Variants in TBCK observed in about 807,000 individuals in gnomAD.
The protein encoded by TBCK is TBC domain-containing protein kinase-like protein.
Under a neutral mutation model 113.4 loss-of-function variants are expected in TBCK, and 99 were observed. The observed-to-expected ratio is 0.87, with a 90% CI of 0.74 to 1.03. TBCK has a LOEUF of 1.03. Ranked by LOEUF, TBCK falls within the 50% of genes least tolerant of loss-of-function variation. The probability of loss-of-function intolerance (pLI) is 0.00; values close to 1 mark genes in which losing one functional copy is unlikely to be tolerated. For missense variants in TBCK, 1,045 were observed against 1,061.3 expected (o/e 0.98, Z 0.21); for synonymous variants, 369 against 370.8 (o/e 1.00, Z 0.05).
chr4:106,151,644 A>C (rs1265826078), intron 23 of TBCK, among the ~76,000 whole-genome samples: 1 of 152,034 alleles, frequency 6.6e-6, no homozygotes, highest in Non-Finnish European at 1.5e-5. Flanking sequence ...TCAGCATTTT[A>C]ATAGGGATTG....
chr4:106,123,341 A>C (rs1407744155), intron 23 of TBCK, among the ~76,000 whole-genome samples: 2 of 152,200 alleles, frequency 1.3e-5, no homozygotes, highest in Non-Finnish European at 2.9e-5. Context: ...CTTCAAGGAG[A>C]ACTACAAATC....
chr4:106,174,061 A>G (rs1231005944), intron 22 of TBCK, among the ~76,000 whole-genome samples: 1 of 152,068 alleles, frequency 6.6e-6, no homozygotes, highest in Non-Finnish European at 1.5e-5. Flanking sequence ...TGATAAACAC[A>G]ACCATTTGGG....
At chr4:106,292,315 T>C (rs1765806656) in intron 3 of TBCK, among the ~76,000 whole-genome samples, 1 of 152,112 alleles carries the variant, frequency 6.6e-6, no homozygotes. Flanking sequence ...CTGACACTTG[T>C]AATCCCAGCA....
chr4:106,114,787 A>G (rs1486645812), intron 24 of TBCK, among the ~76,000 whole-genome samples: 2 of 152,232 alleles, frequency 1.3e-5, no homozygotes, highest in African/African-American at 2.4e-5. Context: ...AAAGAAATAC[A>G]AATTAAAAAG....
At chr4:106,107,573 C>A (rs1378189653) in intron 24 of TBCK, among the ~76,000 whole-genome samples, 2 of 152,144 alleles carry the variant, frequency 1.3e-5, no homozygotes, top group Admixed American at 6.5e-5. Flanking sequence ...TCAAGAAGTT[C>A]TTTTAAAGTA....
intron 3 of TBCK, among the ~76,000 whole-genome samples, chr4:106,282,794 G>A (rs1051744635): frequency 3.3e-5 from 5 of 152,090 alleles, no homozygotes; most frequent in Non-Finnish European, 7.4e-5. Flanking sequence ...TCTTGGCAGA[G>A]GGAATCTCTT....
intron 23 of TBCK, among the ~76,000 whole-genome samples, chr4:106,118,677 A>C (rs1226332650): frequency 1.3e-5 from 2 of 152,204 alleles, no homozygotes; most frequent in Non-Finnish European, 2.9e-5. Flanking sequence ...TTTGTGATGA[A>C]TGCGGCATTT....
chr4:106,161,566 G>C (rs960779091), intron 23 of TBCK, among the ~76,000 whole-genome samples: 3 of 152,124 alleles, frequency 2.0e-5, no homozygotes, highest in African/African-American at 7.2e-5. Flanking sequence ...ATTGTAATGT[G>C]TTGTAAACTA....
At position 106,193,666 on chromosome 4, in the gene TBCK, C is replaced by A; in HGVS notation, c.2002G>T (p.Asp668Tyr). Residue 668 changes from aspartate to tyrosine, a missense_variant, in exon 22 of 26, where the codon GAC becomes TAC. Transcript: ENST00000394708. Reference protein sequence around the residue: ...IGVAILQQLRDRLLANGFNEC... With the variant: ...IGVAILQQLRYRLLANGFNEC... ...TTAAAGCCATTAGCCAAAAGCCGGT[C>A]CCGCAGCTGCTGAAGAATTGCTACT... is the stretch of plus-strand genomic sequence containing the variant. 6.2e-7 allele frequency: 1 copy of A among 1,613,450 alleles called. No homozygotes were observed. Among genetic ancestry groups the A allele is most frequent in the Non-Finnish European group, 8.5e-7 (1 of 1,179,636 alleles).
intron 25 of TBCK, among the ~76,000 whole-genome samples, chr4:106,057,263 G>C (rs1011316977): frequency 6.6e-6 from 1 of 151,730 alleles, no homozygotes; most frequent in African/African-American, 2.4e-5. Flanking sequence ...ATCTAGCATT[G>C]AGATAGACTG....
chr4:106,178,312 T>C (rs927935083), intron 22 of TBCK, among the ~76,000 whole-genome samples: 1 of 151,992 alleles, frequency 6.6e-6, no homozygotes, highest in Admixed American at 6.6e-5. Context: ...GTGTTAATTT[T>C]TTTTTCTGTT....
intron 19 of TBCK, among the ~76,000 whole-genome samples, chr4:106,214,069 C>G (rs576146185): frequency 9.9e-5 from 15 of 152,166 alleles, no homozygotes; most frequent in African/African-American, 3.6e-4. Context: ...CCCTGACCCC[C>G]GAGCAGCCTA....
chr4:106,253,752 A>C (rs1761680748), intron 5 of TBCK, among the ~76,000 whole-genome samples: 1 of 152,218 alleles, frequency 6.6e-6, no homozygotes, highest in Admixed American at 6.5e-5. Flanking sequence ...TTATTGTGTG[A>C]TATGCCCATT....
At chr4:106,120,405 G>A (rs1329304601) in intron 23 of TBCK, among the ~76,000 whole-genome samples, 1 of 152,156 alleles carries the variant, frequency 6.6e-6, no homozygotes, top group African/African-American at 2.4e-5. Context: ...GCCCACCATT[G>A]CCCAGGCTTG....
chr4:106,205,784 C>CA (rs908576992), intron 20 of TBCK, among the ~76,000 whole-genome samples: 18 of 147,082 alleles, frequency 1.2e-4, no homozygotes, highest in African/African-American at 3.7e-4. Flanking sequence ...ACAAAAAAAA[C>CA]AAAAAAAACC....
intron 24 of TBCK, among the ~76,000 whole-genome samples, chr4:106,114,123 T>C (rs1252235856): frequency 6.6e-6 from 1 of 152,198 alleles, no homozygotes; most frequent in Non-Finnish European, 1.5e-5. Flanking sequence ...CTGACAAACC[T>C]GCTGCTGCAC....
intron 22 of TBCK, among the ~76,000 whole-genome samples, chr4:106,186,002 A>T (rs571614628): frequency 6.6e-6 from 1 of 152,192 alleles, no homozygotes; most frequent in East Asian, 1.9e-4. Flanking sequence ...CTGTTCCTGC[A>T]TAAGTATGTT....
At position 106,124,335 on chromosome 4, in the gene TBCK, A is replaced by C. The variant is rs567082021; in HGVS notation, c.2236-7957T>G. ...CACACCAGTTAGAATGGCAATCATT[A>C]AAAAGTCAGGAAACAACAGGTGCTG... On this transcript the variant is annotated intron_variant, in intron 23 of 25. Coordinates refer to ENST00000394708, the MANE Select transcript of TBCK (RefSeq NM_001163435.3). Among the ~76,000 whole-genome samples the C allele has an allele frequency of 2.3e-3, 356 of 152,342 alleles. 1 individual carries two copies. The highest frequency in any genetic ancestry group is 8.0e-3 in the African/African-American group (332 of 41,570).
chr4:106,248,707 A>G (rs1308845757), intron 8 of TBCK, among the ~76,000 whole-genome samples: 1 of 152,204 alleles, frequency 6.6e-6, no homozygotes, highest in East Asian at 1.9e-4. Flanking sequence ...TCACATAGCA[A>G]TTGCCTAGCT....
Sources: gnomAD v4.1 joint callset for allele counts (sites outside exome capture counted in the v4.1 genomes callset) on GRCh38, gnomAD v4.1.1 for gene constraint, MANE v1.5 for transcripts, NCBI Gene and HGNC (gene_info 2026-07-23, HGNC 2026-07-21) for gene names.